ASXL2: variants seen among roughly 807,000 people sequenced by gnomAD.
ASXL2 encodes ASXL transcriptional regulator 2, also known as putative Polycomb group protein ASXL2.
A neutral mutation model predicts 122.0 loss-of-function variants in ASXL2; 23 were observed. The observed-to-expected ratio is 0.19, with a 90% CI of 0.14 to 0.27. The LOEUF (loss-of-function observed/expected upper bound fraction) is 0.27, where lower values mean the gene tolerates loss of function less well. Ranked by LOEUF, ASXL2 falls within the 10% of genes least tolerant of loss-of-function variation. ASXL2 has a pLI of 1.00. For missense variants in ASXL2, 1,518 were observed against 1,713.8 expected (o/e 0.89, Z 2.02); for synonymous variants, 650 against 637.0 (o/e 1.02, Z -0.31).
rs1273810322 is a variant in ASXL2, at chr2:25,740,639, A to G, written c.*1390T>C. The G allele has an allele frequency of 8.8e-6, 2 of 228,008 alleles. No individual in the cohort carries two copies. Among genetic ancestry groups the G allele is most frequent in the South Asian group, 1.8e-4 (1 of 5,482 alleles). The allele number at this position is 228,008 out of a possible 1,614,324, so 14.1% of individuals were successfully genotyped here. ...GAAGGATTTAAAAACAAAAAAGGAA[A>G]CAAGAAAGAAAAAGAAACAAAAACA... is the stretch of plus-strand genomic sequence containing the variant. On this transcript the variant is annotated 3_prime_UTR_variant, in exon 13 of 13. Coordinates refer to ENST00000435504, the MANE Select transcript of ASXL2 (RefSeq NM_018263.6).
At chr2:25,746,534 A>G (rs1406056712) in intron 12 of ASXL2, among the ~76,000 whole-genome samples, 1 of 151,884 alleles carries the variant, frequency 6.6e-6, no homozygotes, top group African/African-American at 2.4e-5. Context: ...AAAACTAAAA[A>G]AGTAAATACA....
chr2:25,788,643 T>G (rs2088785623), intron 5 of ASXL2, among the ~76,000 whole-genome samples: 1 of 152,170 alleles, frequency 6.6e-6, no homozygotes, highest in African/African-American at 2.4e-5. Context: ...TTGGTGGGTG[T>G]GTAATAGTAT....
chr2:25,750,495 T>C, intron 11 of ASXL2, 82 bp from the exon 12 acceptor site: 2 of 1,236,688 alleles, frequency 1.6e-6, no homozygotes, highest in Non-Finnish European at 1.1e-6. Flanking sequence ...TAATGGAAGA[T>C]GACAATGCCT....
In ASXL2 at chr2:25,742,156, T is replaced by C; in HGVS notation, c.4181A>G (p.Glu1394Gly). The change falls in exon 13 of 13, where the codon GAG (glutamate) becomes GGG (glycine). Residue 1394 changes from glutamate to glycine, a missense_variant. Transcript: ENST00000435504. ...VQAFSEENSI[E>G]GTPSKCYCRL... ...GCAGTAACATTTCGAAGGCGTGCCC[T>C]CTATGCTGTTCTCTTCGGAGAACGC... The C allele has an allele frequency of 6.2e-7, 1 of 1,614,046 alleles. No individual in the cohort carries two copies. Among genetic ancestry groups the C allele is most frequent in the Non-Finnish European group, 8.5e-7 (1 of 1,179,896 alleles).
chr2:25,845,480 C>A lies in ASXL2; in HGVS notation c.140+1G>T. The A allele has an allele frequency of 6.9e-7, 1 of 1,451,932 alleles. No individual in the cohort carries two copies. The highest frequency in any genetic ancestry group is 9.2e-7 in the Non-Finnish European group (1 of 1,083,646). 89.9% of individuals were successfully genotyped at this position (1,451,932 alleles called of 1,614,324 possible). A position where few individuals can be genotyped will look rare whatever the true frequency, so the allele number is the denominator to read the frequency against. ...TTACTAAAAATATTTAAATAACTCACCTGATTTCTTTTAGTCCTTCTCTCT... is the reference window on the plus strand; with the variant it reads ...TTACTAAAAATATTTAAATAACTCAACTGATTTCTTTTAGTCCTTCTCTCT... On this transcript the variant is annotated splice_donor_variant, in intron 2 of 12. Transcript: ENST00000435504. LOFTEE classifies it high-confidence loss of function.
At chr2:25,808,053 A>G (rs2089110778) in intron 3 of ASXL2, among the ~76,000 whole-genome samples, 1 of 148,586 alleles carries the variant, frequency 6.7e-6, no homozygotes, top group Non-Finnish European at 1.5e-5. Flanking sequence ...TACATGACTT[A>G]GGGCCAAAAA....
In ASXL2 at chr2:25,743,925, T is replaced by C. The variant is rs2087892106; in HGVS notation, c.2412A>G (p.Glu804=). The change falls in exon 13 of 13, where the codon GAA becomes GAG. Residue 804 remains glutamate, a synonymous_variant. Transcript: ENST00000435504. ...CTGTTGCTCTGGTGGGGTTCAGTTT[T>C]TCATTATCCAATTTCTCTATGTGGG... ...SPAHIEKLDN[E]KLNPTRATAT... 6.2e-7 allele frequency: 1 copy of C among 1,613,988 alleles called. No homozygotes were observed. The highest frequency in any genetic ancestry group is 1.3e-5 in the African/African-American group (1 of 75,026).
At chr2:25,765,636 C>T (rs2088334862) in intron 8 of ASXL2, among the ~76,000 whole-genome samples, 1 of 152,062 alleles carries the variant, frequency 6.6e-6, no homozygotes, top group Non-Finnish European at 1.5e-5. Context: ...ATGGTGCTTT[C>T]TTTTTTTATG....
chr2:25,850,869 G>C (rs2089707520), intron 1 of ASXL2, among the ~76,000 whole-genome samples: 1 of 152,158 alleles, frequency 6.6e-6, no homozygotes, highest in Non-Finnish European at 1.5e-5. Context: ...GGATAAGGCT[G>C]CATGCGGTGG....
Position 25,742,298 on chromosome 2 carries a change from C to T in ASXL2, c.4039G>A (p.Gly1347Ser), listed in dbSNP as rs2087842637. 6.2e-7 allele frequency: 1 copy of T among 1,613,784 alleles called. No individual in the cohort carries two copies. Among genetic ancestry groups the T allele is most frequent in the Admixed American group, 1.7e-5 (1 of 59,960 alleles). The change falls in exon 13 of 13, where the codon GGT (glycine) becomes AGT (serine). Residue 1347 changes from glycine (G) to serine (S), a missense_variant. Coordinates refer to ENST00000435504, the MANE Select transcript of ASXL2 (RefSeq NM_018263.6). ...CCTACATTGCTAGATACCTGGCTACCTGGTACAGCAGAGTTATGGTCCATG... is the reference window on the plus strand; with the variant it reads ...CCTACATTGCTAGATACCTGGCTACTTGGTACAGCAGAGTTATGGTCCATG... ...SDMDHNSAVPGSQVSSNVGDV... is the reference protein window; with the variant it reads ...SDMDHNSAVPSSQVSSNVGDV...
intron 9 of ASXL2, 27 bp from the exon 10 acceptor site, chr2:25,756,141 G>A (rs374124249): frequency 1.0e-5 from 15 of 1,463,722 alleles, no homozygotes; most frequent in African/African-American, 4.4e-5. Context: ...GCCAAGGAAA[G>A]CTTACAAAGA....
Position 25,750,150 on chromosome 2 carries a change from A to C in ASXL2, c.1406T>G (p.Leu469Arg). 1 of 1,614,002 alleles carries C rather than the reference A, an allele frequency of 6.2e-7. No individual in the cohort carries two copies. Among genetic ancestry groups the C allele is most frequent in the Non-Finnish European group, 8.5e-7 (1 of 1,179,892 alleles). Residue 469 changes from leucine to arginine, a missense_variant, in exon 12 of 13, where the codon CTC (leucine) becomes CGC (arginine). Transcript: ENST00000435504. ...TSSEPLLSSALNTHELSSILP... is the reference protein window; with the variant it reads ...TSSEPLLSSARNTHELSSILP... ...AATGCTGCTAAGCTCATGTGTATTG[A>C]GAGCTGAGGAAAGCAGGGGCTCTGA...
At chr2:25,755,379 T>TA (rs1021889976) in intron 10 of ASXL2, among the ~76,000 whole-genome samples, 14 of 152,318 alleles carry the variant, frequency 9.2e-5, no homozygotes, top group Non-Finnish European at 1.0e-4. Context: ...ACAGATACTA[T>TA]ATGCAGTGCC....
chr2:25,870,137 A>C (rs996230270), intron 1 of ASXL2, among the ~76,000 whole-genome samples: 5 of 152,184 alleles, frequency 3.3e-5, no homozygotes, highest in Non-Finnish European at 4.4e-5. Context: ...TTCACCATGG[A>C]AGCTAACAAC....
chr2:25,798,771 A>G (rs2088949242), intron 5 of ASXL2, among the ~76,000 whole-genome samples: 1 of 152,192 alleles, frequency 6.6e-6, no homozygotes, highest in Admixed American at 6.5e-5. Context: ...TCTCAAAAAA[A>G]AGTCAGTGGT....
At chr2:25,867,059 C>T (rs1485752028) in intron 1 of ASXL2, among the ~76,000 whole-genome samples, 1 of 152,136 alleles carries the variant, frequency 6.6e-6, no homozygotes, top group Non-Finnish European at 1.5e-5. Context: ...TGCCACCATG[C>T]CTGGCTAATT....
chr2:25,756,188 CATTTT>C, intron 9 of ASXL2, 74 bp from the exon 10 acceptor site: 1 of 812,738 alleles, frequency 1.2e-6, no homozygotes, highest in Non-Finnish European at 1.9e-6. Flanking sequence ...ACCTTCCTTT[CATTTT>C]ATAAAAGAAT....
chr2:25,794,264 T>G (rs960858962), intron 5 of ASXL2, among the ~76,000 whole-genome samples: 3 of 152,226 alleles, frequency 2.0e-5, no homozygotes, highest in African/African-American at 7.2e-5. Context: ...ATGTAATTAA[T>G]TTCATTCTTA....
At position 25,750,330 on chromosome 2, in the gene ASXL2, G is replaced by C; in HGVS notation, c.1226C>G (p.Pro409Arg). Residue 409 changes from proline (P) to arginine (R), a missense_variant, in exon 12 of 13, where the codon CCA (proline) becomes CGA (arginine). This residue lies in a region of ASXL2 where 292 missense variants were observed against 293.5 expected (regional missense o/e 1.00). Transcript: ENST00000435504. ...GGCCTCTGACACAGGCATGGATTTT[G>C]GTTGTTCAGCTGGGGTTTTCTTTAC... ...PKVKKTPAEQ[P>R]KSMPVSEASL... 6.2e-7 allele frequency: 1 copy of C among 1,613,954 alleles called. No homozygotes were observed. The highest frequency in any genetic ancestry group is 8.5e-7 in the Non-Finnish European group (1 of 1,179,878).
Sources: allele counts gnomAD v4.1 joint callset (sites outside exome capture counted in the v4.1 genomes callset), GRCh38; gene constraint gnomAD v4.1.1; regional missense constraint gnomAD v4.1.1; transcripts MANE v1.5; gene names NCBI Gene and HGNC (gene_info 2026-07-23, HGNC 2026-07-21).